Variants in NEK1 observed in about 807,000 individuals in gnomAD.
The protein encoded by NEK1 is serine/threonine-protein kinase Nek1.
A neutral mutation model predicts 182.1 loss-of-function variants in NEK1; 137 were observed. That is an observed-to-expected ratio of 0.75 (90% CI 0.65 to 0.87). The LOEUF is 0.87. Among genes scored for constraint, NEK1 ranks in the 40% least tolerant of loss-of-function variants. NEK1 has a pLI of 0.00. For synonymous variants in NEK1, 513 were observed against 492.2 expected (o/e 1.04, Z -0.56); for missense variants, 1,391 against 1,494.4 (o/e 0.93, Z 1.14).
intron 27 of NEK1, among the ~76,000 whole-genome samples, chr4:169,449,405 G>C (rs1741270093): frequency 1.3e-5 from 2 of 152,296 alleles, no homozygotes; most frequent in African/African-American, 4.8e-5. Flanking sequence ...TCTCCCAGTA[G>C]GGGCTGACTG....
chr4:169,444,639 C>T (rs1241006691), intron 27 of NEK1, among the ~76,000 whole-genome samples: 1 of 152,100 alleles, frequency 6.6e-6, no homozygotes, highest in Non-Finnish European at 1.5e-5. Context: ...GAGATAGACT[C>T]CAATATAATA....
At chr4:169,408,381 C>T (rs1733007227) in intron 31 of NEK1, among the ~76,000 whole-genome samples, 1 of 152,060 alleles carries the variant, frequency 6.6e-6, no homozygotes, top group Non-Finnish European at 1.5e-5. Flanking sequence ...ACTAGTAAGT[C>T]CCCCCACCTA....
At position 169,522,638 on chromosome 4, in the gene NEK1, T is replaced by C. The variant is rs182562395; in HGVS notation, c.1666-13786A>G. On this transcript the variant is annotated intron_variant, in intron 19 of 35. Transcript: ENST00000507142. ...TCCTGTTCAATCACTGCTGCTGCTG[T>C]CTTGTGAGAATGGAAGTTGCTTCTC... 2.5e-3 allele frequency among the ~76,000 whole-genome samples: 380 copies of C among 152,330 alleles called. 4 individuals are homozygous for C. The highest frequency in any genetic ancestry group is 8.5e-3 in the South Asian group (41 of 4,826).
intron 12 of NEK1, among the ~76,000 whole-genome samples, chr4:169,572,752 G>C (rs931312285): frequency 1.3e-5 from 2 of 152,094 alleles, no homozygotes; most frequent in Non-Finnish European, 2.9e-5. Flanking sequence ...AATATTTCAA[G>C]AAGGAGGGGG....
chr4:169,415,885 T>C (rs7660714), intron 31 of NEK1, among the ~76,000 whole-genome samples: 14,305 of 152,178 alleles, frequency 0.094, 852 homozygotes, highest in African/African-American at 0.17. Context: ...ATCCAGAGCA[T>C]ATTCCCAGAA....
intron 23 of NEK1, among the ~76,000 whole-genome samples, chr4:169,495,503 A>T (rs1179190690): frequency 6.6e-6 from 1 of 151,974 alleles, no homozygotes; most frequent in Non-Finnish European, 1.5e-5. Context: ...CGGCCTCCCA[A>T]AGTGCTGGGA....
intron 9 of NEK1, among the ~76,000 whole-genome samples, 199 bp from the exon 10 acceptor site, chr4:169,585,748 T>C (rs1767431347): frequency 6.6e-6 from 1 of 152,168 alleles, no homozygotes. Flanking sequence ...ATAAGAGTAA[T>C]TTTTACTTAT....
intron 24 of NEK1, chr4:169,478,369 G>A (rs1747358612): frequency 6.6e-6 from 1 of 152,012 alleles, no homozygotes; most frequent in South Asian, 2.1e-4. Context: ...AAGTAGTCAG[G>A]AATTAGCAGT....
intron 24 of NEK1, among the ~76,000 whole-genome samples, chr4:169,477,851 A>C (rs1248632529): frequency 6.6e-6 from 1 of 152,062 alleles, no homozygotes; most frequent in African/African-American, 2.4e-5. Context: ...AATTAGAGGA[A>C]AATTCATATA....
chr4:169,427,846 G>A (rs1028189690), intron 29 of NEK1, among the ~76,000 whole-genome samples: 1 of 151,866 alleles, frequency 6.6e-6, no homozygotes, highest in Non-Finnish European at 1.5e-5. Flanking sequence ...AAGAGACAGG[G>A]TCTTGCTCTG....
At chr4:169,458,827 CAA>C (rs201340623) in intron 27 of NEK1, among the ~76,000 whole-genome samples, 175 of 90,324 alleles carry the variant, frequency 1.9e-3, no homozygotes, top group African/African-American at 3.8e-3. Flanking sequence ...GACCCCATCT[CAA>C]AAAAAAAAAA....
intron 31 of NEK1, among the ~76,000 whole-genome samples, chr4:169,417,187 G>GTGT (rs1467313594): frequency 6.6e-6 from 1 of 152,156 alleles, no homozygotes; most frequent in African/African-American, 2.4e-5. Context: ...TCAGGCCAGG[G>GTGT]TAACAGCAAG....
chr4:169,538,676 G>A (rs761669595), intron 18 of NEK1, among the ~76,000 whole-genome samples: 1 of 152,090 alleles, frequency 6.6e-6, no homozygotes, highest in Non-Finnish European at 1.5e-5. Context: ...GGCATCAATT[G>A]TAGTTAATTT....
chr4:169,427,421 C>T (rs367773603), intron 29 of NEK1, among the ~76,000 whole-genome samples: 21 of 151,982 alleles, frequency 1.4e-4, no homozygotes, highest in East Asian at 5.8e-4. Context: ...CCACTGCGCC[C>T]GGCCTGTTTC....
intron 12 of NEK1, among the ~76,000 whole-genome samples, chr4:169,571,292 G>A (rs1764812447): frequency 6.6e-6 from 1 of 152,166 alleles, no homozygotes; most frequent in South Asian, 2.1e-4. Context: ...GGCCAAGGTA[G>A]GTGGATTACT....
At chr4:169,586,578 G>A (rs531908338) in intron 9 of NEK1, among the ~76,000 whole-genome samples, 30 of 152,090 alleles carry the variant, frequency 2.0e-4, no homozygotes, top group African/African-American at 7.2e-4. Context: ...TAGTTGCAAA[G>A]ATTTTTTAAA....
In NEK1 at chr4:169,412,589, ACAAAG is replaced by A. The variant is rs562202307; in HGVS notation, c.3223-5847_3223-5843del. On this transcript the variant is annotated intron_variant, in intron 31 of 35. Coordinates refer to ENST00000507142, the MANE Select transcript of NEK1 (RefSeq NM_001199397.3). ...AAAACAAAGCTAGATTTGGTAAGGTACAAAGCAACCACATGTAAAAAGTCCCTAAC... is the reference window on the plus strand; with the variant it reads ...AAAACAAAGCTAGATTTGGTAAGGTACAACCACATGTAAAAAGTCCCTAAC... Among the ~76,000 whole-genome samples the A allele has an allele frequency of 3.4e-3, 515 of 152,338 alleles. 3 individuals are homozygous for A. Among genetic ancestry groups the A allele is most frequent in the Middle Eastern group, 0.01 (3 of 294 alleles).
At chr4:169,564,867 T>C (rs148095161) in intron 12 of NEK1, among the ~76,000 whole-genome samples, 279 of 152,282 alleles carry the variant, frequency 1.8e-3, no homozygotes, top group African/African-American at 6.6e-3. Context: ...AATTAAATGA[T>C]CATAAGCCAA....
At chr4:169,475,519 A>G (rs1207055154) in intron 26 of NEK1, among the ~76,000 whole-genome samples, 1 of 152,214 alleles carries the variant, frequency 6.6e-6, no homozygotes, top group Non-Finnish European at 1.5e-5. Context: ...ACAAAAATAA[A>G]AAAATACCTA....
Sources: allele counts gnomAD v4.1 joint callset (sites outside exome capture counted in the v4.1 genomes callset), GRCh38; gene constraint gnomAD v4.1.1; transcripts MANE v1.5; gene names NCBI Gene and HGNC (gene_info 2026-07-23, HGNC 2026-07-21).